KCNMB2: variants seen among roughly 807,000 people sequenced by gnomAD.
KCNMB2 encodes the protein potassium calcium-activated channel subfamily M regulatory beta subunit 2, also known as calcium-activated potassium channel subunit beta-2.
Under a neutral mutation model 24.5 loss-of-function variants are expected in KCNMB2, and 9 were observed. That is an observed-to-expected ratio of 0.37 (90% CI 0.22 to 0.64). KCNMB2 has a LOEUF of 0.64. KCNMB2 is among the 30% of genes least tolerant of loss of function. The pLI, the probability that KCNMB2 is intolerant of heterozygous loss-of-function variation, is 0.63. For synonymous variants in KCNMB2, 109 were observed against 104.4 expected (o/e 1.04, Z -0.27); for missense variants, 226 against 284.3 (o/e 0.79, Z 1.47).
intron 1 of KCNMB2, among the ~76,000 whole-genome samples, chr3:178,655,611 G>A (rs1021951534): frequency 1.5e-4 from 23 of 152,214 alleles, no homozygotes; most frequent in East Asian, 5.8e-4. Flanking sequence ...AAAACAAAAC[G>A]GAGAGAAAAT....
At chr3:178,543,674 T>C (rs2108448456) in intron 1 of KCNMB2, among the ~76,000 whole-genome samples, 1 of 152,322 alleles carries the variant, frequency 6.6e-6, no homozygotes, top group East Asian at 1.9e-4. Flanking sequence ...AAATAACTTC[T>C]CAAATTTCCG....
chr3:178,679,460 A>AT (rs1721192789), intron 1 of KCNMB2, among the ~76,000 whole-genome samples: 1 of 152,142 alleles, frequency 6.6e-6, no homozygotes, highest in African/African-American at 2.4e-5. Flanking sequence ...ACAAAGCCTG[A>AT]TTTTTAGTAG....
At chr3:178,802,402 T>C (rs750300738) in intron 1 of KCNMB2, among the ~76,000 whole-genome samples, 1 of 152,154 alleles carries the variant, frequency 6.6e-6, no homozygotes, top group African/African-American at 2.4e-5. Context: ...ACTAGAAAAC[T>C]GCAACCACTT....
At chr3:178,550,294 CAA>C (rs773624199) in intron 1 of KCNMB2, among the ~76,000 whole-genome samples, 27 of 137,748 alleles carry the variant, frequency 2.0e-4, no homozygotes, top group South Asian at 7.0e-4. Context: ...ACTAAAAATA[CAA>C]AAAAAAAAAA....
chr3:178,783,693 C>A (rs1017611150), intron 1 of KCNMB2, among the ~76,000 whole-genome samples: 1 of 151,714 alleles, frequency 6.6e-6, no homozygotes, highest in African/African-American at 2.4e-5. Context: ...AGATTTGGGG[C>A]TGAGACAATG....
intron 1 of KCNMB2, among the ~76,000 whole-genome samples, chr3:178,748,075 A>T (rs574068983): frequency 6.6e-6 from 1 of 152,118 alleles, no homozygotes; most frequent in Admixed American, 6.6e-5. Context: ...TAGGACTTCA[A>T]TTTGGAACTT....
At chr3:178,545,271 G>A (rs888852089) in intron 1 of KCNMB2, among the ~76,000 whole-genome samples, 8 of 152,126 alleles carry the variant, frequency 5.3e-5, no homozygotes, top group Admixed American at 3.9e-4. Flanking sequence ...GGAATTTCTC[G>A]AAATAAAGCC....
intron 1 of KCNMB2, among the ~76,000 whole-genome samples, chr3:178,659,117 T>A (rs1212161562): frequency 6.6e-6 from 1 of 152,238 alleles, no homozygotes; most frequent in East Asian, 1.9e-4. Flanking sequence ...TTTTCAACAT[T>A]TCAAATAGCA....
intron 3 of KCNMB2, among the ~76,000 whole-genome samples, chr3:178,827,241 T>C (rs1714871060): frequency 6.6e-6 from 1 of 152,206 alleles, no homozygotes. Context: ...ATTAAAGGTA[T>C]TTTTAAATGA....
intron 1 of KCNMB2, among the ~76,000 whole-genome samples, chr3:178,617,999 T>C (rs1469724250): frequency 6.6e-6 from 1 of 151,658 alleles, no homozygotes; most frequent in Non-Finnish European, 1.5e-5. Flanking sequence ...ACAAAAATCA[T>C]ATGCAGATAG....
chr3:178,786,019 T>C (rs1713086320), intron 1 of KCNMB2, among the ~76,000 whole-genome samples: 1 of 152,170 alleles, frequency 6.6e-6, no homozygotes, highest in Non-Finnish European at 1.5e-5. Context: ...AGAAATGGAA[T>C]TCAAACTCAG....
intron 1 of KCNMB2, among the ~76,000 whole-genome samples, chr3:178,661,649 A>C (rs1441149850): frequency 6.6e-6 from 1 of 152,156 alleles, no homozygotes; most frequent in East Asian, 1.9e-4. Flanking sequence ...ACCCCTGATC[A>C]TTATGCTTGC....
At chr3:178,557,206 AG>A (rs1375354770) in intron 1 of KCNMB2, among the ~76,000 whole-genome samples, 1 of 152,172 alleles carries the variant, frequency 6.6e-6, no homozygotes, top group African/African-American at 2.4e-5. Flanking sequence ...TAGTTTTCCC[AG>A]GTGATTCAAA....
In KCNMB2 at chr3:178,745,405, C is replaced by A. The variant is rs183755652; in HGVS notation, c.-67-61938C>A. Reference sequence around the variant, plus strand: ...AATTGAGAACAGCATGGGAAAGACCCGCCCCCATGATTCAATTACCTCCCA... The same window carrying A: ...AATTGAGAACAGCATGGGAAAGACCAGCCCCCATGATTCAATTACCTCCCA... On this transcript the variant is annotated intron_variant, in intron 1 of 4. Coordinates refer to ENST00000452583, the MANE Select transcript of KCNMB2 (RefSeq NM_181361.3). 2.0e-5 allele frequency among the ~76,000 whole-genome samples: 3 copies of A among 152,080 alleles called. No individual in the cohort carries two copies. In the South Asian group the frequency reaches 6.2e-4, roughly 32 times the overall value.
In KCNMB2 at chr3:178,641,416, A is replaced by C. The variant is rs549167582; in HGVS notation, c.-68+104705A>C. 8.5e-5 allele frequency among the ~76,000 whole-genome samples: 13 copies of C among 152,228 alleles called. No individual in the cohort carries two copies. The South Asian group carries it at 2.7e-3, about 32-fold the overall frequency. On this transcript the variant is annotated intron_variant, in intron 1 of 4. Coordinates refer to ENST00000452583, the MANE Select transcript of KCNMB2 (RefSeq NM_181361.3). ...CACATATTTTGTCAGATTTATACTT[A>C]AGTTTCACTGGTGCAATTTTATGTG...
At chr3:178,829,226 C>T (rs146023298) in intron 4 of KCNMB2, among the ~76,000 whole-genome samples, 1 of 152,018 alleles carries the variant, frequency 6.6e-6, no homozygotes, top group African/African-American at 2.4e-5. Flanking sequence ...CAAGACAACT[C>T]GATGCCACTC....
chr3:178,772,189 T>C lies in KCNMB2; in HGVS notation c.-67-35154T>C, dbSNP rs13098130. ...ATATATATACAGTCATAATTCGTTATCTTTATCTCTTTATCCCACTTGAAT... is the reference window on the plus strand; with the variant it reads ...ATATATATACAGTCATAATTCGTTACCTTTATCTCTTTATCCCACTTGAAT... On this transcript the variant is annotated intron_variant, in intron 1 of 4. Transcript: ENST00000452583. 2.6e-3 allele frequency among the ~76,000 whole-genome samples: 392 copies of C among 152,330 alleles called. 1 individual carries two copies. The highest frequency in any genetic ancestry group is 8.9e-3 in the African/African-American group (370 of 41,574).
chr3:178,581,560 T>C (rs1046510097), intron 1 of KCNMB2, among the ~76,000 whole-genome samples: 1 of 152,154 alleles, frequency 6.6e-6, no homozygotes, highest in Non-Finnish European at 1.5e-5. Context: ...CAAAAGAAAC[T>C]ATCATCAGAG....
In KCNMB2 at chr3:178,827,804, G is replaced by C. The variant is rs1022361700; in HGVS notation, c.228-374G>C. 2.6e-5 allele frequency among the ~76,000 whole-genome samples: 4 copies of C among 152,254 alleles called. No individual in the cohort carries two copies. The Middle Eastern group carries it at 0.01, about 388-fold the overall frequency. Reference sequence around the variant, plus strand: ...GAAAGTACAAAGTAAAACATACAGAGGTAGGGGCTGGAGCATGTCAAGAAG... The same window carrying C: ...GAAAGTACAAAGTAAAACATACAGACGTAGGGGCTGGAGCATGTCAAGAAG... On this transcript the variant is annotated intron_variant, in intron 3 of 4. Coordinates refer to ENST00000452583, the MANE Select transcript of KCNMB2 (RefSeq NM_181361.3).
Sources: gnomAD v4.1 joint callset for allele counts (sites outside exome capture counted in the v4.1 genomes callset) on GRCh38, gnomAD v4.1.1 for gene constraint, MANE v1.5 for transcripts, NCBI Gene and HGNC (gene_info 2026-07-23, HGNC 2026-07-21) for gene names.